Variants in ADH6 observed in about 807,000 individuals in gnomAD.
The protein encoded by ADH6 is alcohol dehydrogenase 6.
In ADH6, 34 loss-of-function variants were observed where a neutral mutation model predicts 36.5. The observed-to-expected ratio is 0.93, with a 90% confidence interval of 0.71 to 1.24. The LOEUF (loss-of-function observed/expected upper bound fraction) is 1.24, where lower values mean the gene tolerates loss of function less well. ADH6 is among the 50% of genes most tolerant of loss of function. ADH6 has a pLI of 0.00. For synonymous variants in ADH6, 161 were observed against 155.5 expected (o/e 1.04, Z -0.26); for missense variants, 440 against 447.0 (o/e 0.98, Z 0.14).
chr4:99,217,914 GTC>G (rs1340302560), intron 1 of ADH6, among the ~76,000 whole-genome samples: 2 of 152,134 alleles, frequency 1.3e-5, no homozygotes, highest in African/African-American at 4.8e-5. Context: ...ATCAAATGGT[GTC>G]TCTTGGCAGA....
chr4:99,211,090 G>T (rs1358032181), intron 3 of ADH6, among the ~76,000 whole-genome samples: 1 of 152,040 alleles, frequency 6.6e-6, no homozygotes, highest in Non-Finnish European at 1.5e-5. Flanking sequence ...GTAAACCAGA[G>T]AAATTTGTTT....
At chr4:99,215,421 A>G (rs1416358114) in intron 2 of ADH6, among the ~76,000 whole-genome samples, 1 of 152,240 alleles carries the variant, frequency 6.6e-6, no homozygotes, top group African/African-American at 2.4e-5. Context: ...TCTGAAGGCA[A>G]TTTAAAAACT....
At chr4:99,208,969 A>G (rs1731133125) in intron 5 of ADH6, 41 bp from the exon 6 acceptor site, 4 of 1,583,686 alleles carry the variant, frequency 2.5e-6, no homozygotes, top group Middle Eastern at 1.7e-4. Context: ...ACAAAAAGCA[A>G]AGAGAACATA....
At chr4:99,209,287 T>TTCTCTCTG (rs1731142414) in intron 5 of ADH6, among the ~76,000 whole-genome samples, 1 of 152,044 alleles carries the variant, frequency 6.6e-6, no homozygotes, top group Admixed American at 6.6e-5. Context: ...CTACAACCAT[T>TTCTCTCTG]TCTCTCTGTC....
At chr4:99,206,155 AC>A (rs1731026664) in intron 7 of ADH6, among the ~76,000 whole-genome samples, 1 of 152,130 alleles carries the variant, frequency 6.6e-6, no homozygotes, top group African/African-American at 2.4e-5. Context: ...CACAGACGGG[AC>A]TAGGCAGTGT....
chr4:99,208,622 T>C (rs375728306), intron 6 of ADH6, 46 bp downstream of exon 6: 294 of 1,556,034 alleles, frequency 1.9e-4, no homozygotes, highest in Non-Finnish European at 2.4e-4. Flanking sequence ...ATCTAAACGA[T>C]GACTGGTAAA....
intron 1 of ADH6, 38 bp downstream of exon 1, chr4:99,219,095 CAA>C: frequency 6.3e-7 from 1 of 1,598,886 alleles, no homozygotes; most frequent in African/African-American, 1.3e-5. Flanking sequence ...CACAAACTGA[CAA>C]AGATATGACA....
chr4:99,219,225 C>A lies in ADH6; in HGVS notation c.-73G>T. On this transcript the variant is annotated 5_prime_UTR_variant, in exon 1 of 9. Coordinates refer to ENST00000394899, the MANE Select transcript of ADH6 (RefSeq NM_001102470.2). ...GTAGCAACTTTCACTGTAGAAAGTA[C>A]AAAGGTACACAGGCGACTGGTAGAT... 1 of 1,377,944 alleles carries A rather than the reference C, an allele frequency of 7.3e-7. No individual in the cohort carries two copies. Among genetic ancestry groups the A allele is most frequent in the Non-Finnish European group, 1.0e-6 (1 of 967,654 alleles). The allele number at this position is 1,377,944 out of a possible 1,614,324, so 85.4% of individuals were successfully genotyped here. A position where few individuals can be genotyped will look rare whatever the true frequency, so the allele number is the denominator to read the frequency against.
At chr4:99,210,558 G>T in intron 3 of ADH6, 56 bp from the exon 4 acceptor site, 1 of 1,380,860 alleles carries the variant, frequency 7.2e-7, no homozygotes. Flanking sequence ...TAAAGACATA[G>T]CTGTCTTTCA....
chr4:99,208,692 C>T lies in ADH6; in HGVS notation c.804G>A (p.Glu268=), dbSNP rs1454129734. The change falls in exon 6 of 9, where the codon GAG becomes GAA. Residue 268 remains glutamate (E), a synonymous_variant. Coordinates refer to ENST00000394899, the MANE Select transcript of ADH6 (RefSeq NM_001102470.2). ...MTDAGIDFCF[E]AIGNLDVLAA... ...CCAGAACGTCCAGATTTCCAATGGC[C>T]TCAAAGCAGAAGTCTATACCAGCAT... is the stretch of plus-strand genomic sequence containing the variant. 2.2e-5 allele frequency: 36 copies of T among 1,613,436 alleles called. No individual in the cohort carries two copies. Among genetic ancestry groups the T allele is most frequent in the Non-Finnish European group, 3.0e-5 (35 of 1,179,622 alleles).
At chr4:99,212,299 T>G (rs2110551378) in intron 3 of ADH6, among the ~76,000 whole-genome samples, 1 of 152,302 alleles carries the variant, frequency 6.6e-6, no homozygotes. Flanking sequence ...ATTATCAAAC[T>G]TCTTAATCTT....
At chr4:99,215,215 G>A (rs55830616) in intron 2 of ADH6, among the ~76,000 whole-genome samples, 21,320 of 152,268 alleles carry the variant, frequency 0.14, 1,692 homozygotes, top group Non-Finnish European at 0.18. Context: ...CTCCATAGGG[G>A]ATGTAGGATG....
intron 6 of ADH6, 39 bp from the exon 7 acceptor site, chr4:99,207,620 G>A: frequency 6.3e-7 from 1 of 1,592,440 alleles, no homozygotes. Context: ...GGGGTTAAAA[G>A]ATGTATGTGA....
At chr4:99,205,810 C>T (rs1211350013) in intron 7 of ADH6, among the ~76,000 whole-genome samples, 1 of 152,000 alleles carries the variant, frequency 6.6e-6, no homozygotes, top group Non-Finnish European at 1.5e-5. Context: ...TATAATGTGG[C>T]GTAATCTGCT....
intron 7 of ADH6, 29 bp downstream of exon 7, chr4:99,207,417 A>G (rs1190762261): frequency 1.2e-6 from 2 of 1,612,394 alleles, no homozygotes; most frequent in Non-Finnish European, 1.7e-6. Flanking sequence ...CTCCTCAGGC[A>G]TTTCCACCTT....
In ADH6 at chr4:99,208,761, CTGAGGGT is replaced by C. The variant is rs1395778009; in HGVS notation, c.728_734del (p.Asn243ArgfsTer3). On this transcript the variant is annotated frameshift_variant, in exon 6 of 9. Coordinates refer to ENST00000394899, the MANE Select transcript of ADH6 (RefSeq NM_001102470.2). LOFTEE classifies it high-confidence loss of function. ...CTTCTTGAATGGGTTTCTTTAAGTC[CTGAGGGT>C]TGAGGCACTCAGTAGCACCCAATTC... 1 of 1,613,690 alleles carries C rather than the reference CTGAGGGT, an allele frequency of 6.2e-7. No individual in the cohort carries two copies. Among genetic ancestry groups the C allele is most frequent in the East Asian group, 2.2e-5 (1 of 44,884 alleles).
intron 3 of ADH6, 57 bp from the exon 4 acceptor site, chr4:99,210,559 C>T (rs952702693): frequency 8.1e-5 from 112 of 1,379,498 alleles, no homozygotes; most frequent in Non-Finnish European, 1.0e-4. Flanking sequence ...AAAGACATAG[C>T]TGTCTTTCAG....
Position 99,210,290 on chromosome 4 carries a change from T to A in ADH6, c.359A>T (p.Lys120Ile). The stretch of plus-strand genomic sequence containing the variant: ...GGTACCATCAGACATCAGTTGGGTT[T>A]TTGACTGTCTTTTATAGACAAAACA... ...GNFCIQFKQS[K>I]TQLMSDGTSR... is the part of the protein sequence containing the mutation. The change falls in exon 5 of 9, where the codon AAA becomes ATA. Residue 120 changes from lysine to isoleucine, a missense_variant. Physicochemically the swap from Lys to Ile is moderately radical, Grantham distance 102. Coordinates refer to ENST00000394899, the MANE Select transcript of ADH6 (RefSeq NM_001102470.2). 1.9e-6 allele frequency: 3 copies of A among 1,613,552 alleles called. No homozygotes were observed. Among genetic ancestry groups the A allele is most frequent in the Non-Finnish European group, 2.5e-6 (3 of 1,179,634 alleles).
Position 99,204,138 on chromosome 4 carries a change from T to C in ADH6, c.*81A>G. The C allele has an allele frequency of 6.7e-7, 1 of 1,494,806 alleles. No individual in the cohort carries two copies. The highest frequency in any genetic ancestry group is 1.2e-5 in the South Asian group (1 of 82,988). 92.6% of individuals were successfully genotyped at this position (1,494,806 alleles called of 1,614,324 possible). On this transcript the variant is annotated 3_prime_UTR_variant, in exon 9 of 9. Coordinates refer to ENST00000394899, the MANE Select transcript of ADH6 (RefSeq NM_001102470.2). ...TATAGAAATGGGATTGGGTGAATAA[T>C]TCTTCTAAATCATGAAAATTACATC...
Sources: allele counts gnomAD v4.1 joint callset (sites outside exome capture counted in the v4.1 genomes callset), GRCh38; gene constraint gnomAD v4.1.1; transcripts MANE v1.5; gene names NCBI Gene and HGNC (gene_info 2026-07-23, HGNC 2026-07-21).